The following HMGXB4 variants were observed in gnomAD, a reference collection of about 807,000 sequenced individuals.
HMGXB4 encodes HMG-box containing 4, also known as HMG domain-containing protein 4.
HMGXB4 carries 27 observed loss-of-function variants against 63.9 expected under a neutral mutation model. The ratio of observed to expected loss-of-function variants is 0.42; its 90% confidence interval spans 0.31 to 0.58. The LOEUF is 0.58. Ranked by LOEUF, HMGXB4 falls within the 20% of genes least tolerant of loss-of-function variation. The pLI is 0.13. For missense variants in HMGXB4, 624 were observed against 700.7 expected, an observed-to-expected ratio of 0.89 and a Z score of 1.24; for synonymous variants, 264 against 265.3, an observed-to-expected ratio of 0.99 and a Z score of 0.05.
intron 5 of HMGXB4, among the ~76,000 whole-genome samples, chr22:35,279,435 G>A (rs1030563512): frequency 1.3e-5 from 2 of 151,726 alleles, no homozygotes; most frequent in African/African-American, 2.4e-5. Flanking sequence ...CACTGCGCCC[G>A]GTGTCTTTTT....
intron 5 of HMGXB4, among the ~76,000 whole-genome samples, chr22:35,268,350 T>C (rs1007822278): frequency 3.3e-5 from 5 of 152,228 alleles, no homozygotes; most frequent in African/African-American, 1.2e-4. Context: ...AATATTAAGC[T>C]TGATAGTCTT....
intron 5 of HMGXB4, among the ~76,000 whole-genome samples, chr22:35,269,245 G>A (rs150793982): frequency 7.9e-5 from 12 of 152,296 alleles, no homozygotes; most frequent in Non-Finnish European, 1.8e-4. Context: ...GGGTGTGGTG[G>A]CATGCGCCTG....
chr22:35,270,862 G>T (rs111501853), intron 5 of HMGXB4, among the ~76,000 whole-genome samples: 1 of 152,166 alleles, frequency 6.6e-6, no homozygotes, highest in South Asian at 2.1e-4. Flanking sequence ...TATTTATAGT[G>T]TATATACTGT....
Position 35,259,961 on chromosome 22 carries a change from A to G in HMGXB4, c.-68-2362A>G, listed in dbSNP as rs181656110. On this transcript the variant is annotated intron_variant, in intron 1 of 10. Coordinates refer to ENST00000216106, the MANE Select transcript of HMGXB4 (RefSeq NM_001003681.3). ...TTCCTAATTTTCTATTCCCTCTCAC[A>G]ACTTTTTAATCCACTAGTTTTTTAA... Among the ~76,000 whole-genome samples, 295 of 152,340 alleles carry G rather than the reference A, an allele frequency of 1.9e-3. 2 individuals carry two copies. The highest frequency in any genetic ancestry group is 6.9e-3 in the African/African-American group (288 of 41,586).
At chr22:35,252,401 T>G in the HMGXB4 span, among the ~76,000 whole-genome samples, 1 of 152,216 alleles carries the variant, frequency 6.6e-6, no homozygotes, top group African/African-American at 2.4e-5. Flanking sequence ...TCCTGGCAAC[T>G]ATTGAATTCT....
At position 35,287,667 on chromosome 22, in the gene HMGXB4, G is replaced by C. The variant is rs563520214; in HGVS notation, c.1468+215G>C. ...TTTTTCTTTAAAGGTCCAGAGAGTA[G>C]ACCAGGCGCAGTGGCTCATGCCTGT... On this transcript the variant is annotated intron_variant, in intron 8 of 10. Coordinates refer to ENST00000216106, the MANE Select transcript of HMGXB4 (RefSeq NM_001003681.3). Among the ~76,000 whole-genome samples the C allele has an allele frequency of 3.3e-5, 5 of 151,656 alleles. No individual in the cohort carries two copies. The East Asian group carries it at 9.7e-4, about 29-fold the overall frequency.
intron 3 of HMGXB4, 143 bp downstream of exon 3, chr22:35,263,369 C>G: frequency 1.5e-6 from 1 of 674,326 alleles, no homozygotes; most frequent in South Asian, 2.1e-5. Context: ...CTGCAACCTT[C>G]GACTCCCAGG....
the HMGXB4 span, among the ~76,000 whole-genome samples, chr22:35,242,052 G>A: frequency 5.3e-5 from 8 of 151,978 alleles, no homozygotes; most frequent in African/African-American, 9.7e-5. Context: ...TTTTGCTCTC[G>A]GGGTAATACT....
In HMGXB4 at chr22:35,265,476, C is replaced by T. The variant is rs766968478; in HGVS notation, c.1088C>T (p.Pro363Leu). The T allele has an allele frequency of 6.2e-6, 10 of 1,613,958 alleles. No individual in the cohort carries two copies. Among genetic ancestry groups the T allele is most frequent in the East Asian group, 2.2e-5 (1 of 44,894 alleles). ...VGEVTVTSGP[P>L]PSIPYAGAAA... ...GAGGTCACAGTGACATCTGGCCCTC[C>T]TCCCAGCATCCCATACGCTGGAGCA... Residue 363 changes from proline to leucine, a missense_variant, in exon 5 of 11, where the codon CCT becomes CTT. This residue lies in a region of HMGXB4 where 472 missense variants were observed against 470.6 expected (regional missense o/e 1.00). Coordinates refer to ENST00000216106, the MANE Select transcript of HMGXB4 (RefSeq NM_001003681.3).
At chr22:35,246,031 A>G in the HMGXB4 span, among the ~76,000 whole-genome samples, 2 of 152,148 alleles carry the variant, frequency 1.3e-5, no homozygotes, top group African/African-American at 2.4e-5. Context: ...GCAGCTCCCC[A>G]CATAATCTCC....
At position 35,264,793 on chromosome 22, in the gene HMGXB4, T is replaced by C; in HGVS notation, c.405T>C (p.Ser135=). The C allele has an allele frequency of 6.2e-7, 1 of 1,614,186 alleles. No individual in the cohort carries two copies. The highest frequency in any genetic ancestry group is 1.1e-5 in the South Asian group (1 of 91,086). ...CCAAAAAGACTGGGGAGAAATCCTC[T>C]GGCTCTTCAAGCCATTCGGAGAGTA... ...KPSKKTGEKS[S]GSSSHSESKK... is the part of the protein sequence containing the mutation. Residue 135 remains serine (S), a synonymous_variant, in exon 5 of 11, where the codon TCT becomes TCC. Transcript: ENST00000216106.
In HMGXB4 at chr22:35,293,909, C is replaced by G; in HGVS notation, c.*258C>G. ...ATACAGGCTTGGGATTCTTTTTTCT[C>G]CTGTGGTGGATAAATCTGCCTTAAA... On this transcript the variant is annotated 3_prime_UTR_variant, in exon 11 of 11. Transcript: ENST00000216106. The G allele has an allele frequency of 4.0e-6, 1 of 248,996 alleles. No individual in the cohort carries two copies. The highest frequency in any genetic ancestry group is 7.5e-6 in the Non-Finnish European group (1 of 133,524). The allele number at this position is 248,996 out of a possible 1,614,324, so 15.4% of individuals were successfully genotyped here.
chr22:35,267,185 TACAC>T (rs1363685852), intron 5 of HMGXB4, among the ~76,000 whole-genome samples: 1 of 148,406 alleles, frequency 6.7e-6, no homozygotes, highest in Non-Finnish European at 1.5e-5. Flanking sequence ...TATATATATA[TACAC>T]ACACACATCT....
Position 35,265,297 on chromosome 22 carries a change from G to A in HMGXB4, c.909G>A (p.Glu303=). The change falls in exon 5 of 11, where the codon GAG becomes GAA. Residue 303 remains glutamate (E), a synonymous_variant. Coordinates refer to ENST00000216106, the MANE Select transcript of HMGXB4 (RefSeq NM_001003681.3). ...ESDSSSGGEL[E]AGELVIDDSY... is the part of the protein sequence containing the mutation. ...ACTCATCCTCTGGTGGGGAACTAGA[G>A]GCTGGGGAGTTAGTGATAGATGATT... is the stretch of plus-strand genomic sequence containing the variant. 1 of 1,614,084 alleles carries A rather than the reference G, an allele frequency of 6.2e-7. No individual in the cohort carries two copies. Among genetic ancestry groups the A allele is most frequent in the Non-Finnish European group, 8.5e-7 (1 of 1,180,016 alleles).
intron 5 of HMGXB4, among the ~76,000 whole-genome samples, chr22:35,279,663 C>G (rs1924125640): frequency 8.0e-6 from 1 of 125,064 alleles, no homozygotes; most frequent in Non-Finnish European, 1.6e-5. Flanking sequence ...GGGGTGAGGT[C>G]TGTGTCTAGA....
At chr22:35,275,792 A>G (rs1290689033) in intron 5 of HMGXB4, among the ~76,000 whole-genome samples, 1 of 152,240 alleles carries the variant, frequency 6.6e-6, no homozygotes, top group African/African-American at 2.4e-5. Context: ...ACCTCATCAA[A>G]TATTTAAAAG....
intron 8 of HMGXB4, 74 bp from the exon 9 acceptor site, chr22:35,288,164 T>A: frequency 7.9e-7 from 1 of 1,258,944 alleles, no homozygotes; most frequent in Admixed American, 2.9e-5. Context: ...AAAGGGAAAA[T>A]CAGGAAGAAC....
At chr22:35,247,148 G>A in the HMGXB4 span, among the ~76,000 whole-genome samples, 7 of 152,102 alleles carry the variant, frequency 4.6e-5, no homozygotes, top group African/African-American at 7.2e-5. Context: ...TTTGGGCACT[G>A]GATATTTGTA....
chr22:35,258,788 T>G (rs1922636699), intron 1 of HMGXB4, among the ~76,000 whole-genome samples: 1 of 152,234 alleles, frequency 6.6e-6, no homozygotes, highest in Non-Finnish European at 1.5e-5. Flanking sequence ...TTTTGAGTTC[T>G]TGAAAGGAGT....
Sources: allele counts gnomAD v4.1 joint callset (sites outside exome capture counted in the v4.1 genomes callset), GRCh38; gene constraint gnomAD v4.1.1; regional missense constraint gnomAD v4.1.1; transcripts MANE v1.5; gene names NCBI Gene and HGNC (gene_info 2026-07-23, HGNC 2026-07-21).